TECRL: variants seen among roughly 807,000 people sequenced by gnomAD.
TECRL encodes the protein trans-2,3-enoyl-CoA reductase-like.
TECRL carries 63 observed loss-of-function variants against 52.8 expected under a neutral mutation model. The ratio of observed to expected loss-of-function variants is 1.19; its 90% CI spans 0.97 to 1.47. TECRL has a LOEUF of 1.47. TECRL is among the 40% of genes most tolerant of loss of function. The probability of loss-of-function intolerance (pLI) is 0.00; values close to 1 mark genes in which losing one functional copy is unlikely to be tolerated. For synonymous variants in TECRL, 164 were observed against 141.9 expected, an observed-to-expected ratio of 1.16 and a Z score of -1.10; for missense variants, 482 against 429.6, an observed-to-expected ratio of 1.12 and a Z score of -1.08.
intron 1 of TECRL, among the ~76,000 whole-genome samples, chr4:64,398,082 A>C (rs1400506426): frequency 8.7e-6 from 1 of 114,762 alleles, no homozygotes; most frequent in Admixed American, 9.0e-5. Context: ...ATTAAACATT[A>C]TTTTATAGTA....
intron 8 of TECRL, among the ~76,000 whole-genome samples, chr4:64,292,059 T>C (rs894732518): frequency 1.3e-5 from 2 of 152,032 alleles, no homozygotes; most frequent in Non-Finnish European, 2.9e-5. Flanking sequence ...CGATGCTAAC[T>C]GAATTAGATA....
At chr4:64,300,424 G>C (rs1197223530) in intron 7 of TECRL, among the ~76,000 whole-genome samples, 1 of 150,312 alleles carries the variant, frequency 6.7e-6, no homozygotes, top group Non-Finnish European at 1.5e-5. Context: ...TTGATGTTTT[G>C]TCACAGGTAG....
At position 64,398,122 on chromosome 4, in the gene TECRL, T is replaced by A. The variant is rs933697450; in HGVS notation, c.234+10996A>T. Among the ~76,000 whole-genome samples, 8 of 152,282 alleles carry A rather than the reference T, an allele frequency of 5.3e-5. No homozygotes were observed. In the South Asian group the frequency reaches 1.7e-3, roughly 32 times the overall value. ...GATACATTTAATGGATGTGAGAATT[T>A]TCATGTTATTATTAAATTTGTAAAT... On this transcript the variant is annotated intron_variant, in intron 1 of 11. Transcript: ENST00000381210.
chr4:64,376,709 A>G (rs967631692), intron 1 of TECRL, among the ~76,000 whole-genome samples: 1 of 151,976 alleles, frequency 6.6e-6, no homozygotes, highest in Non-Finnish European at 1.5e-5. Context: ...TAAATAAAAA[A>G]TAATTTTCAT....
Position 64,279,992 on chromosome 4 carries a change from T to C in TECRL, c.*80A>G. 6.7e-7 allele frequency: 1 copy of C among 1,486,684 alleles called. No individual in the cohort carries two copies. The highest frequency in any genetic ancestry group is 9.0e-7 in the Non-Finnish European group (1 of 1,115,922). The allele number at this position is 1,486,684 out of a possible 1,614,324, so 92.1% of individuals were successfully genotyped here. A position where few individuals can be genotyped will look rare whatever the true frequency, so the allele number is the denominator to read the frequency against. On this transcript the variant is annotated 3_prime_UTR_variant, in exon 12 of 12. Coordinates refer to ENST00000381210, the MANE Select transcript of TECRL (RefSeq NM_001010874.5). ...CTGTTGCTCATGAATTGTTGGAGTA[T>C]AATAGTTAACTATCCTTAACTAAGT...
Position 64,409,375 on chromosome 4 carries a change from G to A in TECRL, c.-24C>T. ...ATTGTGTGAACTAAGAGGAGGGTCT[G>A]TCATGTCAAAAGTAGAAAATTGCAA... On this transcript the variant is annotated 5_prime_UTR_variant, in exon 1 of 12. Coordinates refer to ENST00000381210, the MANE Select transcript of TECRL (RefSeq NM_001010874.5). The A allele has an allele frequency of 1.2e-6, 2 of 1,603,392 alleles. No homozygotes were observed. The highest frequency in any genetic ancestry group is 1.1e-5 in the South Asian group (1 of 90,110).
At chr4:64,327,537 CAAT>C (rs1718344796) in intron 3 of TECRL, among the ~76,000 whole-genome samples, 1 of 151,932 alleles carries the variant, frequency 6.6e-6, no homozygotes, top group South Asian at 2.1e-4. Context: ...GTAGATGAGA[CAAT>C]AATTTGTCTT....
At chr4:64,317,266 G>A (rs976041406) in intron 4 of TECRL, among the ~76,000 whole-genome samples, 80 of 151,860 alleles carry the variant, frequency 5.3e-4, no homozygotes, top group South Asian at 1.0e-3. Context: ...GAGACAGAGC[G>A]AGACTCCGTC....
At chr4:64,352,285 A>G (rs1371738947) in intron 2 of TECRL, among the ~76,000 whole-genome samples, 1 of 152,198 alleles carries the variant, frequency 6.6e-6, no homozygotes, top group Non-Finnish European at 1.5e-5. Flanking sequence ...ATTTCTCTTG[A>G]AGAAACTAGG....
intron 2 of TECRL, among the ~76,000 whole-genome samples, chr4:64,333,942 T>C (rs576049346): frequency 2.1e-4 from 27 of 125,624 alleles, no homozygotes; most frequent in Non-Finnish European, 3.7e-4. Flanking sequence ...GAGAATGGCG[T>C]GAACCCGGGA....
At chr4:64,390,005 A>G (rs537290131) in intron 1 of TECRL, among the ~76,000 whole-genome samples, 2 of 151,918 alleles carry the variant, frequency 1.3e-5, no homozygotes, top group Admixed American at 1.3e-4. Flanking sequence ...ATAAATGTTC[A>G]TATACCTGGG....
chr4:64,369,852 T>C (rs377263226), intron 2 of TECRL, among the ~76,000 whole-genome samples: 1 of 152,110 alleles, frequency 6.6e-6, no homozygotes, highest in African/African-American at 2.4e-5. Context: ...GTATTATAAA[T>C]GTTAATGCAA....
chr4:64,403,580 A>T (rs1724509554), intron 1 of TECRL, among the ~76,000 whole-genome samples: 1 of 151,982 alleles, frequency 6.6e-6, no homozygotes, highest in Non-Finnish European at 1.5e-5. Flanking sequence ...GGACACACAT[A>T]AATATAACTT....
chr4:64,299,464 G>T (rs1019148813), intron 8 of TECRL, among the ~76,000 whole-genome samples: 4 of 151,122 alleles, frequency 2.6e-5, no homozygotes, highest in African/African-American at 9.7e-5. Flanking sequence ...CAAGAGTCTT[G>T]TGTACCCAGA....
intron 5 of TECRL, among the ~76,000 whole-genome samples, chr4:64,311,610 T>C (rs1235787981): frequency 2.0e-5 from 3 of 152,212 alleles, no homozygotes; most frequent in East Asian, 1.9e-4. Context: ...CATTCATTTA[T>C]TTTATATTAT....
At chr4:64,374,065 A>AG (rs1560538720) in intron 2 of TECRL, among the ~76,000 whole-genome samples, 8 of 135,216 alleles carry the variant, frequency 5.9e-5, no homozygotes, top group African/African-American at 2.2e-4. Flanking sequence ...ATATATATAT[A>AG]TATATATATA....
chr4:64,301,977 T>A (rs569873386), intron 7 of TECRL, among the ~76,000 whole-genome samples: 13 of 151,468 alleles, frequency 8.6e-5, no homozygotes, highest in Non-Finnish European at 1.8e-4. Flanking sequence ...ATCTGTATAA[T>A]GTTTCACATT....
At chr4:64,325,208 A>AAAGACC (rs1234154396) in intron 3 of TECRL, among the ~76,000 whole-genome samples, 1 of 152,228 alleles carries the variant, frequency 6.6e-6, no homozygotes, top group East Asian at 1.9e-4. Flanking sequence ...ATGCAACTGC[A>AAAGACC]AAGACCAAAC....
intron 1 of TECRL, among the ~76,000 whole-genome samples, chr4:64,382,822 T>C (rs1485851858): frequency 6.6e-6 from 1 of 152,118 alleles, no homozygotes; most frequent in African/African-American, 2.4e-5. Flanking sequence ...GTTTGGTGGT[T>C]TTCTGTAGCG....
Sources: allele counts gnomAD v4.1 joint callset (sites outside exome capture counted in the v4.1 genomes callset), GRCh38; gene constraint gnomAD v4.1.1; transcripts MANE v1.5; gene names NCBI Gene and HGNC (gene_info 2026-07-23, HGNC 2026-07-21).